The following BCAT1 variants were observed in gnomAD, a reference collection of about 807,000 sequenced individuals.
BCAT1 encodes the protein branched-chain-amino-acid aminotransferase, cytosolic.
A neutral mutation model predicts 52.4 loss-of-function variants in BCAT1; 48 were observed. The ratio of observed to expected loss-of-function variants is 0.92; its 90% CI spans 0.73 to 1.16. BCAT1 has a LOEUF of 1.16. Among genes scored for constraint, BCAT1 ranks in the 50% most tolerant of loss-of-function variants. The pLI is 0.00. For missense variants in BCAT1, 451 were observed against 457.1 expected (o/e 0.99, Z 0.12); for synonymous variants, 167 against 161.3 (o/e 1.04, Z -0.27).
intron 10 of BCAT1, among the ~76,000 whole-genome samples, chr12:24,826,766 G>A (rs1330257355): frequency 6.6e-6 from 1 of 152,108 alleles, no homozygotes; most frequent in Non-Finnish European, 1.5e-5. Context: ...TCCAATCCAT[G>A]AATATGGAAT....
intron 1 of BCAT1, among the ~76,000 whole-genome samples, chr12:24,938,057 C>CA (rs1943791357): frequency 6.6e-6 from 1 of 152,128 alleles, no homozygotes; most frequent in South Asian, 2.1e-4. Flanking sequence ...AATGGGAAAA[C>CA]AGCACATGGG....
chr12:24,947,328 T>G (rs747953625), intron 1 of BCAT1, among the ~76,000 whole-genome samples: 1 of 152,194 alleles, frequency 6.6e-6, no homozygotes, highest in African/African-American at 2.4e-5. Context: ...TCAGTGTATA[T>G]CCTATGTTTC....
In BCAT1 at chr12:24,836,500, A is replaced by C. The variant is rs1184172244; in HGVS notation, c.903+11T>G. The stretch of plus-strand genomic sequence containing the variant: ...AGGCTTACAAAAGTTGTTCATATCA[A>C]AGGCACCCACCCACTGATGTGCCAG... On this transcript the variant is annotated intron_variant, in intron 8 of 10. Coordinates refer to ENST00000261192, the MANE Select transcript of BCAT1 (RefSeq NM_005504.7). 5.6e-6 allele frequency: 9 copies of C among 1,606,826 alleles called. No homozygotes were observed. The highest frequency in any genetic ancestry group is 2.2e-5 in the East Asian group (1 of 44,804).
chr12:24,905,168 G>A (rs1450730996), intron 1 of BCAT1, among the ~76,000 whole-genome samples: 6 of 152,204 alleles, frequency 3.9e-5, no homozygotes, highest in Non-Finnish European at 8.8e-5. Flanking sequence ...CAAAGGGCCA[G>A]CCAAGTAGTG....
At chr12:24,934,995 T>TTCTC (rs1044982848) in intron 1 of BCAT1, among the ~76,000 whole-genome samples, 1 of 151,986 alleles carries the variant, frequency 6.6e-6, no homozygotes, top group Non-Finnish European at 1.5e-5. Flanking sequence ...ATTCTTCTTC[T>TTCTC]TCTCTCTCTC....
intron 2 of BCAT1, among the ~76,000 whole-genome samples, chr12:24,900,430 G>A (rs1943069225): frequency 6.6e-6 from 1 of 152,066 alleles, no homozygotes; most frequent in East Asian, 1.9e-4. Flanking sequence ...TACAAAAAAT[G>A]ACGAAATTAG....
At chr12:24,922,291 A>C (rs1943509823) in intron 1 of BCAT1, among the ~76,000 whole-genome samples, 1 of 152,208 alleles carries the variant, frequency 6.6e-6, no homozygotes, top group Non-Finnish European at 1.5e-5. Flanking sequence ...CAGTCCCCCA[A>C]GTAGCTGGGA....
At chr12:24,839,343 C>T (rs975722475) in intron 7 of BCAT1, among the ~76,000 whole-genome samples, 1 of 152,174 alleles carries the variant, frequency 6.6e-6, no homozygotes. Context: ...ACACGCCTGA[C>T]GTGTCCGAGA....
chr12:24,875,379 T>C (rs1942304149), intron 5 of BCAT1, among the ~76,000 whole-genome samples: 1 of 152,214 alleles, frequency 6.6e-6, no homozygotes. Flanking sequence ...TGATAGTTGA[T>C]ACAAATATAC....
intron 5 of BCAT1, among the ~76,000 whole-genome samples, chr12:24,852,429 A>C (rs1172925746): frequency 6.6e-6 from 1 of 152,238 alleles, no homozygotes; most frequent in Non-Finnish European, 1.5e-5. Context: ...ATAGCATTTT[A>C]ATAGCTATCA....
chr12:24,937,647 G>GA (rs1428519162), intron 1 of BCAT1, among the ~76,000 whole-genome samples: 1 of 152,136 alleles, frequency 6.6e-6, no homozygotes, highest in Non-Finnish European at 1.5e-5. Context: ...AAAGTGCTGG[G>GA]ATTACAGTGC....
intron 3 of BCAT1, among the ~76,000 whole-genome samples, chr12:24,892,581 A>G (rs1942872955): frequency 6.6e-6 from 1 of 152,194 alleles, no homozygotes; most frequent in South Asian, 2.1e-4. Context: ...AGCCAGGAGC[A>G]GTGGCTCATG....
chr12:24,848,056 C>T (rs771943360), intron 6 of BCAT1, among the ~76,000 whole-genome samples: 23 of 152,144 alleles, frequency 1.5e-4, no homozygotes, highest in Non-Finnish European at 3.1e-4. Flanking sequence ...AGGTTAAATG[C>T]CCATCCTTTT....
intron 1 of BCAT1, chr12:24,903,172 G>T: frequency 8.2e-7 from 1 of 1,217,866 alleles, no homozygotes; most frequent in Non-Finnish European, 1.0e-6. Flanking sequence ...GCATCCCTTG[G>T]GGAGGAGCCT....
intron 1 of BCAT1, among the ~76,000 whole-genome samples, chr12:24,912,814 G>A (rs1394004779): frequency 6.6e-6 from 1 of 152,114 alleles, no homozygotes; most frequent in Admixed American, 6.6e-5. Context: ...TGACTTATCT[G>A]ATATATACCT....
chr12:24,936,173 G>A (rs1943750388), intron 1 of BCAT1, among the ~76,000 whole-genome samples: 1 of 152,198 alleles, frequency 6.6e-6, no homozygotes, highest in African/African-American at 2.4e-5. Context: ...ACCAAAATCT[G>A]TATTCGTGTA....
At chr12:24,908,813 C>T (rs188283045) in intron 1 of BCAT1, among the ~76,000 whole-genome samples, 123 of 152,274 alleles carry the variant, frequency 8.1e-4, no homozygotes, top group Admixed American at 3.1e-3. Flanking sequence ...GTCTGAGCAC[C>T]GGTTTGGGCA....
At chr12:24,924,814 T>C (rs1484084352) in intron 1 of BCAT1, among the ~76,000 whole-genome samples, 1 of 152,240 alleles carries the variant, frequency 6.6e-6, no homozygotes, top group Non-Finnish European at 1.5e-5. Context: ...TTAATACTAA[T>C]CTTCTTAGGT....
chr12:24,847,109 G>T (rs1053098558), intron 6 of BCAT1, among the ~76,000 whole-genome samples: 1 of 152,170 alleles, frequency 6.6e-6, no homozygotes, highest in Non-Finnish European at 1.5e-5. Flanking sequence ...TCTGTGCAAG[G>T]TATTATTGCC....
Sources: gnomAD v4.1 joint callset for allele counts (sites outside exome capture counted in the v4.1 genomes callset) on GRCh38, gnomAD v4.1.1 for gene constraint, MANE v1.5 for transcripts, NCBI Gene and HGNC (gene_info 2026-07-23, HGNC 2026-07-21) for gene names.